Variants in GRID2 observed in about 807,000 individuals in gnomAD.
GRID2 encodes the protein glutamate ionotropic receptor delta type subunit 2.
In GRID2, 33 loss-of-function variants were observed where a neutral mutation model predicts 114.8. That is an observed-to-expected ratio of 0.29 (90% CI 0.22 to 0.38). GRID2 has a LOEUF of 0.38. Among genes scored for constraint, GRID2 ranks in the 10% least tolerant of loss-of-function variants. The pLI, the probability that GRID2 is intolerant of heterozygous loss-of-function variation, is 1.00. For synonymous variants in GRID2, 505 were observed against 449.9 expected (o/e 1.12, Z -1.55); for missense variants, 1,184 against 1,257.7 (o/e 0.94, Z 0.89).
chr4:93,597,422 A>C (rs1170701141), intron 13 of GRID2, among the ~76,000 whole-genome samples: 1 of 152,214 alleles, frequency 6.6e-6, no homozygotes, highest in Admixed American at 6.5e-5. Flanking sequence ...AGGGAAACAG[A>C]ATGCAAGAGA....
At chr4:92,609,263 G>A (rs1234030057) in intron 2 of GRID2, among the ~76,000 whole-genome samples, 1 of 151,624 alleles carries the variant, frequency 6.6e-6, no homozygotes, top group Non-Finnish European at 1.5e-5. Context: ...ATGTGGTTAA[G>A]TTTTCATTAA....
chr4:92,794,769 A>G (rs1222958891), intron 2 of GRID2, among the ~76,000 whole-genome samples: 1 of 151,042 alleles, frequency 6.6e-6, no homozygotes, highest in African/African-American at 2.4e-5. Flanking sequence ...TGTGCAGTTG[A>G]AAATCCATGT....
At chr4:93,432,290 A>G (rs1396663487) in intron 10 of GRID2, among the ~76,000 whole-genome samples, 1 of 152,218 alleles carries the variant, frequency 6.6e-6, no homozygotes, top group Non-Finnish European at 1.5e-5. Flanking sequence ...GAAAATGTTC[A>G]TATCAAGGTT....
chr4:92,430,015 G>C (rs557013372), intron 1 of GRID2, among the ~76,000 whole-genome samples: 1 of 152,250 alleles, frequency 6.6e-6, no homozygotes, highest in East Asian at 1.9e-4. Context: ...TCTCTTGTCA[G>C]ATTGATAGTT....
chr4:93,453,352 G>GAC (rs1722891682), intron 10 of GRID2, among the ~76,000 whole-genome samples: 1 of 145,844 alleles, frequency 6.9e-6, no homozygotes, highest in Non-Finnish European at 1.5e-5. Context: ...GAGAGAGAGA[G>GAC]AGAGAGAGTG....
At position 92,337,471 on chromosome 4, in the gene GRID2, T is replaced by C. The variant is rs920609119; in HGVS notation, c.88+32727T>C. Among the ~76,000 whole-genome samples the C allele has an allele frequency of 3.9e-5, 6 of 152,222 alleles. No homozygotes were observed. In the South Asian group the frequency reaches 1.0e-3, roughly 26 times the overall value. Reference sequence around the variant, plus strand: ...AGTGAACTGAGTGAGGAAAGCAGAATAGGGCAGAGGTAGAAGCTAAGTGTA... The same window carrying C: ...AGTGAACTGAGTGAGGAAAGCAGAACAGGGCAGAGGTAGAAGCTAAGTGTA... On this transcript the variant is annotated intron_variant, in intron 1 of 15. Transcript: ENST00000282020.
At chr4:93,491,361 A>G (rs1726986922) in intron 12 of GRID2, among the ~76,000 whole-genome samples, 1 of 151,852 alleles carries the variant, frequency 6.6e-6, no homozygotes, top group Non-Finnish European at 1.5e-5. Flanking sequence ...AATGCTGGGA[A>G]ATAGTGATTA....
At chr4:93,712,354 A>T (rs1728558146) in intron 14 of GRID2, among the ~76,000 whole-genome samples, 1 of 152,178 alleles carries the variant, frequency 6.6e-6, no homozygotes, top group Admixed American at 6.5e-5. Flanking sequence ...TGTAGATAAC[A>T]AATTACACTA....
At chr4:92,829,980 T>A (rs1193533720) in intron 2 of GRID2, among the ~76,000 whole-genome samples, 2 of 151,616 alleles carry the variant, frequency 1.3e-5, no homozygotes, top group Non-Finnish European at 2.9e-5. Context: ...ACCTAATACA[T>A]GTGGGGCTGA....
intron 1 of GRID2, among the ~76,000 whole-genome samples, chr4:92,577,373 A>G (rs554118900): frequency 1.3e-5 from 2 of 152,226 alleles, no homozygotes; most frequent in South Asian, 4.1e-4. Flanking sequence ...AGTTGTTACT[A>G]AGGTAAATAA....
At chr4:93,355,090 A>C (rs1761203060) in intron 8 of GRID2, among the ~76,000 whole-genome samples, 1 of 151,928 alleles carries the variant, frequency 6.6e-6, no homozygotes, top group African/African-American at 2.4e-5. Flanking sequence ...TTTCTTGCTC[A>C]TGCTTATAAG....
intron 3 of GRID2, among the ~76,000 whole-genome samples, chr4:93,093,988 C>G (rs1158719051): frequency 6.6e-6 from 1 of 151,980 alleles, no homozygotes; most frequent in Non-Finnish European, 1.5e-5. Context: ...TGGGTAACAC[C>G]ATTTATTTCA....
chr4:92,912,121 G>A (rs1748429391), intron 2 of GRID2, among the ~76,000 whole-genome samples: 2 of 151,676 alleles, frequency 1.3e-5, no homozygotes, highest in South Asian at 4.1e-4. Context: ...ACACTTTCTT[G>A]AAGAAGTTTT....
At chr4:93,733,178 A>G (rs573731107) in intron 14 of GRID2, among the ~76,000 whole-genome samples, 54 of 152,228 alleles carry the variant, frequency 3.5e-4, no homozygotes, top group African/African-American at 1.3e-3. Flanking sequence ...TCTCTGAGCA[A>G]TTGGTCACTT....
At chr4:93,677,342 TG>T (rs1353919741) in intron 14 of GRID2, among the ~76,000 whole-genome samples, 1 of 152,166 alleles carries the variant, frequency 6.6e-6, no homozygotes, top group Non-Finnish European at 1.5e-5. Flanking sequence ...GCTCCACCTC[TG>T]GGGGCAGGGC....
chr4:92,859,946 C>A (rs1578328267), intron 2 of GRID2, among the ~76,000 whole-genome samples: 1 of 152,082 alleles, frequency 6.6e-6, no homozygotes, highest in Admixed American at 6.6e-5. Context: ...CTAGTCATCA[C>A]CATCAAAAAT....
chr4:92,838,235 C>G (rs1742609302), intron 2 of GRID2, among the ~76,000 whole-genome samples: 3 of 151,996 alleles, frequency 2.0e-5, no homozygotes, highest in Admixed American at 1.3e-4. Flanking sequence ...TTATACAATA[C>G]ATAATGGCTT....
chr4:93,448,823 T>TC (rs1338595829), intron 10 of GRID2, among the ~76,000 whole-genome samples: 1 of 8,618 alleles, frequency 1.2e-4, no homozygotes, highest in Non-Finnish European at 2.0e-4. Flanking sequence ...TCCCTTCCCT[T>TC]CCCTTCCCTT....
chr4:93,118,127 G>A lies in GRID2; in HGVS notation c.735+7174G>A, dbSNP rs73837540. On this transcript the variant is annotated intron_variant, in intron 4 of 15. Transcript: ENST00000282020. ...ATGCTTAATTGCTGCCCTTATGACA[G>A]TCTGTAGTCTACGGCTTCTGCCACC... 1.1e-3 allele frequency among the ~76,000 whole-genome samples: 160 copies of A among 152,246 alleles called. 1 individual carries two copies. Among genetic ancestry groups the A allele is most frequent in the African/African-American group, 3.7e-3 (153 of 41,560 alleles).
Sources: allele counts gnomAD v4.1 joint callset (sites outside exome capture counted in the v4.1 genomes callset), GRCh38; gene constraint gnomAD v4.1.1; transcripts MANE v1.5; gene names NCBI Gene and HGNC (gene_info 2026-07-23, HGNC 2026-07-21).